The following DLG2 variants were observed in gnomAD, a reference collection of about 807,000 sequenced individuals.
DLG2 encodes discs large MAGUK scaffold protein 2.
In DLG2, 45 loss-of-function variants were observed where a neutral mutation model predicts 132.5. The observed-to-expected ratio is 0.34, with a 90% CI of 0.27 to 0.44. DLG2 has a LOEUF of 0.44. Among genes scored for constraint, DLG2 ranks in the 20% least tolerant of loss-of-function variants. The pLI is 1.00. For missense variants in DLG2, 1,045 were observed against 1,196.9 expected (o/e 0.87, Z 1.87); for synonymous variants, 424 against 419.6 (o/e 1.01, Z -0.13).
intron 16 of DLG2, among the ~76,000 whole-genome samples, chr11:83,842,673 G>A (rs1228479526): frequency 2.6e-5 from 4 of 151,820 alleles, no homozygotes; most frequent in East Asian, 1.9e-4. Flanking sequence ...AAAATTAGCC[G>A]GGCATGGTGG....
At chr11:84,500,407 TCTA>T (rs1320632290) in intron 7 of DLG2, among the ~76,000 whole-genome samples, 14 of 148,488 alleles carry the variant, frequency 9.4e-5, no homozygotes, top group South Asian at 2.1e-4. Flanking sequence ...AAAAAATAAA[TCTA>T]CTGCTGGAGA....
chr11:83,978,345 T>A (rs2092466545), intron 12 of DLG2, among the ~76,000 whole-genome samples: 1 of 152,030 alleles, frequency 6.6e-6, no homozygotes, highest in South Asian at 2.1e-4. Context: ...CCAGTAACTA[T>A]CTAAGACAGT....
intron 4 of DLG2, among the ~76,000 whole-genome samples, chr11:85,161,144 C>A (rs933694705): frequency 6.6e-6 from 1 of 152,136 alleles, no homozygotes; most frequent in Non-Finnish European, 1.5e-5. Flanking sequence ...ATATTTGTAT[C>A]GCATGGGATT....
At chr11:84,568,746 A>G (rs1473725914) in intron 6 of DLG2, among the ~76,000 whole-genome samples, 2 of 152,126 alleles carry the variant, frequency 1.3e-5, no homozygotes, top group African/African-American at 4.8e-5. Flanking sequence ...TCAGCCAACA[A>G]CCTTACCCAG....
intron 17 of DLG2, among the ~76,000 whole-genome samples, chr11:83,811,351 C>T (rs2047207477): frequency 6.6e-6 from 1 of 152,006 alleles, no homozygotes; most frequent in Non-Finnish European, 1.5e-5. Context: ...ATGGCTGTAA[C>T]CTCTATGCAA....
At chr11:83,905,469 C>CTAACTGAGGAATCCTGTGATGGCTT (rs1211127733) in intron 15 of DLG2, among the ~76,000 whole-genome samples, 1 of 152,090 alleles carries the variant, frequency 6.6e-6, no homozygotes, top group Non-Finnish European at 1.5e-5. Context: ...AATTGTATGA[C>CTAACTGAGGAATCCTGTGATGGCTT]TAACTGAGGA....
chr11:85,129,237 A>G (rs527454450), intron 5 of DLG2, among the ~76,000 whole-genome samples: 7 of 152,202 alleles, frequency 4.6e-5, no homozygotes, highest in Non-Finnish European at 1.0e-4. Flanking sequence ...AAGACTTGGG[A>G]TCCATGTGAC....
intron 4 of DLG2, among the ~76,000 whole-genome samples, chr11:85,155,155 A>G (rs2077507765): frequency 6.6e-6 from 1 of 152,228 alleles, no homozygotes; most frequent in South Asian, 2.1e-4. Context: ...CTTACTGACC[A>G]TTATAAAACA....
chr11:83,877,408 C>G (rs1239813024), intron 15 of DLG2, among the ~76,000 whole-genome samples: 6 of 152,054 alleles, frequency 3.9e-5, no homozygotes, highest in Admixed American at 3.3e-4. Context: ...TGGTCACTAA[C>G]CAAGATTAAT....
At chr11:85,469,425 A>C (rs1404280023) in intron 3 of DLG2, 1 of 152,238 alleles carries the variant, frequency 6.6e-6, no homozygotes, top group Non-Finnish European at 1.5e-5. Context: ...TGAATTCTGA[A>C]ATAACAAAAA....
intron 7 of DLG2, among the ~76,000 whole-genome samples, chr11:84,368,584 T>G (rs758045354): frequency 3.3e-5 from 5 of 152,102 alleles, no homozygotes; most frequent in Non-Finnish European, 7.4e-5. Context: ...GTGGTCTAAG[T>G]TAGATATTAG....
chr11:85,412,461 A>T (rs531922370), intron 3 of DLG2, among the ~76,000 whole-genome samples: 1 of 151,442 alleles, frequency 6.6e-6, no homozygotes, highest in South Asian at 2.1e-4. Context: ...ATTTTAATGC[A>T]CCCATCACCT....
intron 7 of DLG2, among the ~76,000 whole-genome samples, chr11:84,291,414 A>C (rs2097995242): frequency 6.6e-6 from 1 of 152,196 alleles, no homozygotes; most frequent in African/African-American, 2.4e-5. Flanking sequence ...TGAGTAGTAT[A>C]ATTTACATTA....
rs202008141 is a variant in DLG2, at chr11:84,628,101, TAC to T, written c.358-93372_358-93371del. Among the ~76,000 whole-genome samples, 5 of 112,214 alleles carry T rather than the reference TAC, an allele frequency of 4.5e-5. 1 individual carries two copies. Among genetic ancestry groups the T allele is most frequent in the East Asian group, 5.9e-4 (2 of 3,412 alleles). 73.6% of individuals were successfully genotyped at this position (112,214 alleles called of 152,430 possible). On this transcript the variant is annotated intron_variant, in intron 6 of 27. Transcript: ENST00000376104. Reference sequence around the variant, plus strand: ...CTATATATATATGTACACACATATATACACACATATATATATATATATACACA... The same window carrying T: ...CTATATATATATGTACACACATATATACACATATATATATATATATACACA...
chr11:83,879,464 A>G (rs1426817335), intron 15 of DLG2, among the ~76,000 whole-genome samples: 1 of 152,132 alleles, frequency 6.6e-6, no homozygotes, highest in Non-Finnish European at 1.5e-5. Context: ...ATTTGTATCC[A>G]TCATTTATTT....
chr11:83,521,712 G>A (rs1473908709), intron 21 of DLG2, among the ~76,000 whole-genome samples: 1 of 151,938 alleles, frequency 6.6e-6, no homozygotes, highest in Non-Finnish European at 1.5e-5. Context: ...TCTATTCAGG[G>A]TCCCCCACAT....
chr11:85,477,507 T>C (rs58316016), intron 3 of DLG2, among the ~76,000 whole-genome samples: 3,785 of 152,300 alleles, frequency 0.025, 151 homozygotes, highest in African/African-American at 0.085. Context: ...AGAGAATAAA[T>C]AGTGGTAACA....
At chr11:84,612,844 C>T (rs995352512) in intron 6 of DLG2, among the ~76,000 whole-genome samples, 2 of 152,150 alleles carry the variant, frequency 1.3e-5, no homozygotes, top group African/African-American at 4.8e-5. Flanking sequence ...AGAATGATTA[C>T]GTCATTTGTC....
chr11:84,965,137 G>C (rs755753385), intron 6 of DLG2, among the ~76,000 whole-genome samples: 2 of 152,020 alleles, frequency 1.3e-5, no homozygotes, highest in Non-Finnish European at 2.9e-5. Flanking sequence ...TACTACTGTA[G>C]GACAAACTGC....
Sources: gnomAD v4.1 joint callset for allele counts (sites outside exome capture counted in the v4.1 genomes callset) on GRCh38, gnomAD v4.1.1 for gene constraint, MANE v1.5 for transcripts, NCBI Gene and HGNC (gene_info 2026-07-23, HGNC 2026-07-21) for gene names.